The following ZNF821 variants were observed in gnomAD, a reference collection of about 807,000 sequenced individuals.
ZNF821 encodes zinc finger protein 821.
Under a neutral mutation model 44.3 loss-of-function variants are expected in ZNF821, and 16 were observed. The observed-to-expected ratio is 0.36, with a 90% CI of 0.24 to 0.55. The LOEUF (loss-of-function observed/expected upper bound fraction) is 0.55, where lower values mean the gene tolerates loss of function less well. Ranked by LOEUF, ZNF821 falls within the 20% of genes least tolerant of loss-of-function variation. The probability of loss-of-function intolerance (pLI) is 0.86; values close to 1 mark genes in which losing one functional copy is unlikely to be tolerated. For missense variants in ZNF821, 436 were observed against 547.6 expected (o/e 0.80, Z 2.03); for synonymous variants, 204 against 197.6 (o/e 1.03, Z -0.27).
chr16:71,869,125 T>G (rs1303073975), intron 3 of ZNF821, among the ~76,000 whole-genome samples: 1 of 152,104 alleles, frequency 6.6e-6, no homozygotes, highest in African/African-American at 2.4e-5. Flanking sequence ...GAAAAGAGAG[T>G]TGGGTTTCTT....
rs759009074 is a variant in ZNF821 at position 71,860,465 on chromosome 16, A to G, written c.792T>C (p.Asn264=). 11 of 1,613,966 alleles carry G rather than the reference A, an allele frequency of 6.8e-6. No individual in the cohort carries two copies. Among genetic ancestry groups the G allele is most frequent in the South Asian group, 1.1e-5 (1 of 91,078 alleles). ...GCTGCAGCCGTACTTCCAAAGGCTC[A>G]TTCTGTCGACGTAGAGCCCACTTGC... ...SVRKWALRRQ[N]EPLEVRLQRL... is the part of the protein sequence containing the mutation. Residue 264 remains asparagine, a synonymous_variant, in exon 8 of 8, where the codon AAT becomes AAC. Transcript: ENST00000425432. This position sits in a 1 kb window ranked among gnomAD's most constrained non-coding sequence, Gnocchi z 7.3.
chr16:71,864,932 C>A lies in ZNF821; in HGVS notation c.283G>T (p.Val95Phe). ...TGCTCTACCACTTCGTTCCCACCAA[C>A]AGGCTGTTCTGTATTTTCTAACTCT... Reference protein sequence around the residue: ...EKELENTEQPVGGNEVVEHEV... With the variant: ...EKELENTEQPFGGNEVVEHEV... Residue 95 changes from valine to phenylalanine, a missense_variant, in exon 5 of 8, where the codon GTT becomes TTT. By Grantham distance (50) the Val-to-Phe change is conservative (BLOSUM62 -1). This residue lies in a region of ZNF821 where 238 missense variants were observed against 281.4 expected (regional missense o/e 0.85). Coordinates refer to ENST00000425432, the MANE Select transcript of ZNF821 (RefSeq NM_001201552.2). 6.2e-7 allele frequency: 1 copy of A among 1,614,198 alleles called. No individual in the cohort carries two copies. The highest frequency in any genetic ancestry group is 2.2e-5 in the East Asian group (1 of 44,874).
In ZNF821 at chr16:71,860,137, T is replaced by C. The variant is rs965621253; in HGVS notation, c.1120A>G (p.Met374Val). The change falls in exon 8 of 8, where the codon ATG becomes GTG. Residue 374 changes from methionine (M) to valine (V), a missense_variant. Around this residue, in one of 5 missense-constraint regions of ZNF821, gnomAD observed 55 missense variants for 56.9 expected, o/e 0.97. Coordinates refer to ENST00000425432, the MANE Select transcript of ZNF821 (RefSeq NM_001201552.2). This position sits in a 1 kb window ranked among gnomAD's most constrained non-coding sequence, Gnocchi z 7.3. ...TTCATTTCAGCTGCTAAGGCTGCCA[T>C]GGCAGAAGGGTCCTGGCCAAACTGA... is the stretch of plus-strand genomic sequence containing the variant. Reference protein sequence around the residue: ...RAQFGQDPSAMAALAAEMNFF... With the variant: ...RAQFGQDPSAVAALAAEMNFF... 6 of 1,614,134 alleles carry C rather than the reference T, an allele frequency of 3.7e-6. No individual in the cohort carries two copies. The highest frequency in any genetic ancestry group is 1.6e-4 in the Middle Eastern group (1 of 6,084).
intron 6 of ZNF821, among the ~76,000 whole-genome samples, chr16:71,862,492 AAAC>A (rs1480940690): frequency 3.9e-5 from 6 of 152,076 alleles, no homozygotes; most frequent in East Asian, 1.9e-4. Context: ...AAACAAAACA[AAAC>A]AACAACAACA....
At chr16:71,869,168 T>C (rs998497460) in intron 3 of ZNF821, among the ~76,000 whole-genome samples, 3 of 152,198 alleles carry the variant, frequency 2.0e-5, no homozygotes, top group East Asian at 1.9e-4. Context: ...GAGTAGAAAC[T>C]ACAGTCCTCA....
chr16:71,862,052 G>T, intron 6 of ZNF821, 110 bp from the exon 7 acceptor site: 1 of 1,265,404 alleles, frequency 7.9e-7, no homozygotes. Context: ...TCAGAATAAG[G>T]AACTTCCAAG....
intron 1 of ZNF821, chr16:71,894,675 A>ACTG: frequency 1.8e-6 from 1 of 570,894 alleles, no homozygotes; most frequent in Non-Finnish European, 3.1e-6. Flanking sequence ...ACAAGTGCTC[A>ACTG]CTGCTGCTCC....
intron 3 of ZNF821, among the ~76,000 whole-genome samples, chr16:71,868,580 A>G (rs1156850837): frequency 5.3e-5 from 8 of 152,160 alleles, no homozygotes; most frequent in Non-Finnish European, 8.8e-5. Context: ...TTCTTCCTTG[A>G]CTTTCTTTAT....
intron 1 of ZNF821, 165 bp from the exon 2 acceptor site, chr16:71,883,438 C>G (rs1214199162): frequency 5.8e-6 from 2 of 341,904 alleles, no homozygotes; most frequent in Admixed American, 3.9e-5. Context: ...AAGAGCCTGA[C>G]AAGAGCCGGA....
chr16:71,883,622 C>G (rs994646288), intron 1 of ZNF821: 1 of 152,448 alleles, frequency 6.6e-6, no homozygotes, highest in African/African-American at 2.4e-5. Flanking sequence ...GGGGCCGTCC[C>G]CGCCGGGGCC....
At chr16:71,867,721 C>G (rs535773899) in intron 4 of ZNF821, among the ~76,000 whole-genome samples, 191 bp downstream of exon 4, 1 of 151,844 alleles carries the variant, frequency 6.6e-6, no homozygotes, top group Non-Finnish European at 1.5e-5. Context: ...AAATAAAATG[C>G]CAAACCTGTC....
At chr16:71,894,734 C>A in intron 1 of ZNF821, 11 of 566,484 alleles carry the variant, frequency 1.9e-5, no homozygotes, top group Non-Finnish European at 3.2e-5. Flanking sequence ...TGCGGTTTCA[C>A]TATGGTGTCC....
At chr16:71,880,112 C>T in intron 2 of ZNF821, 89 bp from the exon 3 acceptor site, 1 of 565,488 alleles carries the variant, frequency 1.8e-6, no homozygotes. Context: ...AAAAACAGCT[C>T]CTGAGCATAT....
rs370959310 is a variant in ZNF821 at position 71,874,320 on chromosome 16, G to A, written c.40+5587C>T. ...ATTAGTTTCATGCCACACAATCTTC[G>A]TCTTCCCAGAAGGCAGATCTAATGA... On this transcript the variant is annotated intron_variant, in intron 3 of 7. Transcript: ENST00000425432. Among the ~76,000 whole-genome samples the A allele has an allele frequency of 1.2e-4, 19 of 152,160 alleles. No individual in the cohort carries two copies. In the East Asian group the frequency reaches 1.7e-3, roughly 14 times the overall value.
At chr16:71,876,439 T>C (rs979717196) in intron 3 of ZNF821, among the ~76,000 whole-genome samples, 1 of 152,000 alleles carries the variant, frequency 6.6e-6, no homozygotes, top group Admixed American at 6.6e-5. Flanking sequence ...CCTGACCTCA[T>C]GATCCACCTC....
At position 71,881,107 on chromosome 16, in the gene ZNF821, T is replaced by G. The variant is rs1373484919; in HGVS notation, c.-77-1084A>C. On this transcript the variant is annotated intron_variant, in intron 2 of 7. Transcript: ENST00000425432. Reference sequence around the variant, plus strand: ...ATGGATCTGGTCACACTCTTAAGTTTTCTTTCAGTTCCTGCCTTCTTGAGT... The same window carrying G: ...ATGGATCTGGTCACACTCTTAAGTTGTCTTTCAGTTCCTGCCTTCTTGAGT... Among the ~76,000 whole-genome samples, 3 of 152,262 alleles carry G rather than the reference T, an allele frequency of 2.0e-5. No individual in the cohort carries two copies. In the East Asian group the frequency reaches 5.8e-4, roughly 29 times the overall value.
chr16:71,874,635 G>T (rs2035603850), intron 3 of ZNF821, among the ~76,000 whole-genome samples: 1 of 151,766 alleles, frequency 6.6e-6, no homozygotes, highest in African/African-American at 2.4e-5. Flanking sequence ...TTGGATTTTA[G>T]TGGAGACAGG....
At chr16:71,884,876 GAGAC>G (rs2036787103), upstream of ZNF821, 1 of 35,444 alleles carries the variant, frequency 2.8e-5, no homozygotes, top group African/African-American at 1.3e-4. Flanking sequence ...TTTTTTTTTT[GAGAC>G]AGAGTCTCGC....
intron 3 of ZNF821, among the ~76,000 whole-genome samples, chr16:71,873,418 C>T (rs1175348112): frequency 1.3e-5 from 2 of 152,102 alleles, no homozygotes; most frequent in South Asian, 2.1e-4. Flanking sequence ...TTTTCCATAA[C>T]TAATAACAAT....
Sources: allele counts gnomAD v4.1 joint callset (sites outside exome capture counted in the v4.1 genomes callset), GRCh38; gene constraint gnomAD v4.1.1; regional missense constraint gnomAD v4.1.1; non-coding constraint Gnocchi (gnomAD v3.1); transcripts MANE v1.5; gene names NCBI Gene and HGNC (gene_info 2026-07-23, HGNC 2026-07-21).